The following ADGRG6 variants were observed in gnomAD, a reference collection of about 807,000 sequenced individuals.
ADGRG6 encodes adhesion G protein-coupled receptor G6.
A neutral mutation model predicts 142.4 loss-of-function variants in ADGRG6; 84 were observed. The observed-to-expected ratio is 0.59, with a 90% CI of 0.49 to 0.71. The LOEUF (loss-of-function observed/expected upper bound fraction) is 0.71, where lower values mean the gene tolerates loss of function less well. Ranked by LOEUF, ADGRG6 falls within the 30% of genes least tolerant of loss-of-function variation. The probability of loss-of-function intolerance (pLI) is 0.00; values close to 1 mark genes in which losing one functional copy is unlikely to be tolerated. For synonymous variants in ADGRG6, 521 were observed against 520.5 expected (o/e 1.00, Z -0.01); for missense variants, 1,367 against 1,466.6 (o/e 0.93, Z 1.11).
At chr6:142,370,832 G>A (rs1199812057) in intron 4 of ADGRG6, 39 bp downstream of exon 4, 5 of 1,365,846 alleles carry the variant, frequency 3.7e-6, no homozygotes, top group Non-Finnish European at 5.1e-6. Context: ...TTTTTTTTTA[G>A]CATTATTCTA....
intron 6 of ADGRG6, among the ~76,000 whole-genome samples, chr6:142,388,081 A>G (rs1057255318): frequency 6.6e-6 from 1 of 152,146 alleles, no homozygotes; most frequent in South Asian, 2.1e-4. Context: ...TTAATTATGC[A>G]TTTCCTCCAA....
chr6:142,344,094 A>G (rs755752348), intron 2 of ADGRG6, among the ~76,000 whole-genome samples: 44 of 152,066 alleles, frequency 2.9e-4, no homozygotes, highest in Admixed American at 4.6e-4. Flanking sequence ...AGAGAGATCC[A>G]GTTCACATGC....
At chr6:142,439,012 G>A (rs981364474) in intron 24 of ADGRG6, among the ~76,000 whole-genome samples, 1 of 152,162 alleles carries the variant, frequency 6.6e-6, no homozygotes, top group African/African-American at 2.4e-5. Context: ...TAAGCCAGGT[G>A]CTATGACACA....
At chr6:142,357,206 T>C (rs1780487001) in intron 2 of ADGRG6, among the ~76,000 whole-genome samples, 1 of 152,188 alleles carries the variant, frequency 6.6e-6, no homozygotes, top group Admixed American at 6.5e-5. Flanking sequence ...TTTCAGAGTT[T>C]GCTGAAAAAA....
intron 2 of ADGRG6, among the ~76,000 whole-genome samples, chr6:142,337,255 G>A (rs907197432): frequency 6.6e-6 from 1 of 152,164 alleles, no homozygotes; most frequent in Non-Finnish European, 1.5e-5. Flanking sequence ...ACCAGATAAA[G>A]CCTGCCATTA....
At chr6:142,394,475 C>CA (rs1371096304) in intron 9 of ADGRG6, among the ~76,000 whole-genome samples, 1 of 151,604 alleles carries the variant, frequency 6.6e-6, no homozygotes, top group Non-Finnish European at 1.5e-5. Context: ...ATGTAAGGAC[C>CA]AAATGTTCAG....
intron 22 of ADGRG6, among the ~76,000 whole-genome samples, chr6:142,424,825 A>T (rs1307873015): frequency 6.6e-6 from 1 of 152,142 alleles, no homozygotes; most frequent in Non-Finnish European, 1.5e-5. Flanking sequence ...GAGACAGGTT[A>T]ATTAAATATA....
chr6:142,409,726 C>T (rs1775987068), intron 16 of ADGRG6, 148 bp from the exon 17 acceptor site: 1 of 485,146 alleles, frequency 2.1e-6, no homozygotes, highest in Non-Finnish European at 3.7e-6. Flanking sequence ...AAGAAGATCC[C>T]CCTAAATTGC....
intron 10 of ADGRG6, 117 bp downstream of exon 10, chr6:142,397,872 ATGG>A (rs1369549934): frequency 4.0e-5 from 24 of 594,480 alleles, no homozygotes; most frequent in Non-Finnish European, 4.9e-5. Context: ...TTTTTTTCTG[ATGG>A]TGAAGTTCAG....
intron 18 of ADGRG6, among the ~76,000 whole-genome samples, chr6:142,413,628 A>G (rs1270550090): frequency 6.6e-6 from 1 of 152,136 alleles, no homozygotes; most frequent in African/African-American, 2.4e-5. Flanking sequence ...ACCATGATTC[A>G]TCTCTCTGGG....
intron 6 of ADGRG6, among the ~76,000 whole-genome samples, chr6:142,384,168 C>T (rs1315189590): frequency 6.6e-6 from 1 of 151,874 alleles, no homozygotes; most frequent in East Asian, 1.9e-4. Flanking sequence ...AAACGTATTT[C>T]CATGGTATTT....
chr6:142,329,081 C>G lies in ADGRG6; in HGVS notation c.103+19437C>G, dbSNP rs568893359. ...TATGGGCCCTGGAAAAGTTACTTCT[C>G]TGTGAAATGCAGTCATGGTACTTCC... On this transcript the variant is annotated intron_variant, in intron 2 of 24. Transcript: ENST00000367609. 1.8e-4 allele frequency among the ~76,000 whole-genome samples: 28 copies of G among 152,240 alleles called. No homozygotes were observed. The East Asian group carries it at 2.7e-3, about 15-fold the overall frequency.
At chr6:142,439,933 A>T (rs1013328101) in intron 24 of ADGRG6, among the ~76,000 whole-genome samples, 10 of 152,196 alleles carry the variant, frequency 6.6e-5, no homozygotes, top group African/African-American at 2.4e-4. Flanking sequence ...ACTTTATTTA[A>T]CCAAACTTAA....
chr6:142,424,855 T>C (rs1776861189), intron 22 of ADGRG6, among the ~76,000 whole-genome samples: 1 of 152,148 alleles, frequency 6.6e-6, no homozygotes, highest in Non-Finnish European at 1.5e-5. Context: ...AGAAATTACC[T>C]TGTGACGTTG....
chr6:142,356,985 T>C (rs1780477212), intron 2 of ADGRG6, among the ~76,000 whole-genome samples: 1 of 152,214 alleles, frequency 6.6e-6, no homozygotes, highest in African/African-American at 2.4e-5. Flanking sequence ...GTTTTAAGGG[T>C]TTATATGGCT....
At chr6:142,386,516 C>A (rs182412824) in intron 6 of ADGRG6, among the ~76,000 whole-genome samples, 1 of 152,012 alleles carries the variant, frequency 6.6e-6, no homozygotes, top group Non-Finnish European at 1.5e-5. Context: ...GTCTTAGTGG[C>A]GGTGGTGGGT....
chr6:142,423,402 G>A (rs1043007542), intron 22 of ADGRG6, among the ~76,000 whole-genome samples: 3 of 152,086 alleles, frequency 2.0e-5, no homozygotes, highest in African/African-American at 7.2e-5. Flanking sequence ...AATTTTCCCA[G>A]CACCATTTAT....
chr6:142,443,704 C>T lies in ADGRG6; in HGVS notation c.*189C>T, dbSNP rs576577566. The T allele has an allele frequency of 6.3e-6, 3 of 477,950 alleles. No homozygotes were observed. Among genetic ancestry groups the T allele is most frequent in the South Asian group, 6.5e-5 (2 of 30,614 alleles). 29.6% of individuals were successfully genotyped at this position (477,950 alleles called of 1,614,324 possible). A position where few individuals can be genotyped will look rare whatever the true frequency, so the allele number is the denominator to read the frequency against. On this transcript the variant is annotated 3_prime_UTR_variant, in exon 25 of 25. Coordinates refer to ENST00000367609, the MANE Select transcript of ADGRG6 (RefSeq NM_198569.3). ...TATATTTCTTCCATGGAAGAGTTGTCATCACTAAAACTTCAGTACTGAGAG... is the reference window on the plus strand; with the variant it reads ...TATATTTCTTCCATGGAAGAGTTGTTATCACTAAAACTTCAGTACTGAGAG...
chr6:142,409,403 A>G (rs185741971), intron 16 of ADGRG6, among the ~76,000 whole-genome samples: 9 of 152,222 alleles, frequency 5.9e-5, no homozygotes, highest in East Asian at 3.9e-4. Context: ...TTGTTTGTCT[A>G]TTCCTCATTG....
Sources: allele counts gnomAD v4.1 joint callset (sites outside exome capture counted in the v4.1 genomes callset), GRCh38; gene constraint gnomAD v4.1.1; transcripts MANE v1.5; gene names NCBI Gene and HGNC (gene_info 2026-07-23, HGNC 2026-07-21).